DGKH: variants seen among roughly 807,000 people sequenced by gnomAD.
DGKH encodes the protein diacylglycerol kinase eta.
Under a neutral mutation model 159.3 loss-of-function variants are expected in DGKH, and 90 were observed. That is an observed-to-expected ratio of 0.57 (90% CI 0.48 to 0.67). DGKH has a LOEUF of 0.67. Among genes scored for constraint, DGKH ranks in the 30% least tolerant of loss-of-function variants. The pLI, the probability that DGKH is intolerant of heterozygous loss-of-function variation, is 0.00. For missense variants in DGKH, 1,181 were observed against 1,506.1 expected, an observed-to-expected ratio of 0.78 and a Z score of 3.57; for synonymous variants, 536 against 553.8, an observed-to-expected ratio of 0.97 and a Z score of 0.45.
chr13:42,154,403 A>G (rs894954875), intron 3 of DGKH, among the ~76,000 whole-genome samples: 2 of 152,254 alleles, frequency 1.3e-5, no homozygotes, highest in African/African-American at 2.4e-5. Flanking sequence ...TGTATTCACA[A>G]ATAAATAGGG....
intron 1 of DGKH, among the ~76,000 whole-genome samples, chr13:42,065,744 A>G (rs1274622866): frequency 6.6e-6 from 1 of 152,166 alleles, no homozygotes; most frequent in East Asian, 1.9e-4. Context: ...CCGGGGTCCC[A>G]TCGGAGTAAG....
chr13:42,221,070 C>G, intron 28 of DGKH, 194 bp from the exon 29 acceptor site: 1 of 640,494 alleles, frequency 1.6e-6, no homozygotes, highest in Non-Finnish European at 2.5e-6. Flanking sequence ...TTTGTATAGT[C>G]GGATCCTTGT....
chr13:42,230,641 AATAG>A lies in DGKH; in HGVS notation c.*1457_*1460del, dbSNP rs1958265863. 1 of 152,040 alleles carries A rather than the reference AATAG, an allele frequency of 6.6e-6. No homozygotes were observed. The highest frequency in any genetic ancestry group is 2.4e-5 in the African/African-American group (1 of 41,434). The allele number at this position is 152,040 out of a possible 1,614,324, so 9.4% of individuals were successfully genotyped here. On this transcript the variant is annotated 3_prime_UTR_variant, in exon 30 of 30. Coordinates refer to ENST00000337343, the MANE Select transcript of DGKH (RefSeq NM_178009.5). ...TTATGAAGTAGCCTGCTAGGTGCTT[AATAG>A]ATATATATACACACAGATATATACA...
In DGKH at chr13:42,069,122, T is replaced by C. The variant is rs935975593; in HGVS notation, c.192+20157T>C. On this transcript the variant is annotated intron_variant, in intron 1 of 29. Coordinates refer to ENST00000337343, the MANE Select transcript of DGKH (RefSeq NM_178009.5). ...CTCCTCACTGTTGTTCAGAAATCCTTCCTCATTTCTCTCTCCCCAAGCTTC... is the reference window on the plus strand; with the variant it reads ...CTCCTCACTGTTGTTCAGAAATCCTCCCTCATTTCTCTCTCCCCAAGCTTC... The C allele has an allele frequency of 1.9e-5, 26 of 1,388,174 alleles. No homozygotes were observed. The East Asian group carries it at 5.9e-4, about 32-fold the overall frequency. 86.0% of individuals were successfully genotyped at this position (1,388,174 alleles called of 1,614,324 possible).
At chr13:42,089,522 A>G (rs1348068977) in intron 1 of DGKH, among the ~76,000 whole-genome samples, 1 of 152,186 alleles carries the variant, frequency 6.6e-6, no homozygotes. Context: ...TTCTTTCTGG[A>G]GGCTCTGGGA....
At chr13:42,122,685 T>TGTCA (rs1473292681) in intron 1 of DGKH, among the ~76,000 whole-genome samples, 1 of 152,236 alleles carries the variant, frequency 6.6e-6, no homozygotes, top group Non-Finnish European at 1.5e-5. Flanking sequence ...TAATAGACAG[T>TGTCA]GTCAGTCTTT....
intron 16 of DGKH, among the ~76,000 whole-genome samples, chr13:42,192,666 G>C (rs758184530): frequency 4.4e-4 from 60 of 135,856 alleles, no homozygotes; most frequent in Non-Finnish European, 5.8e-4. Flanking sequence ...TCTTCTTCTT[G>C]TTCTTCATGT....
chr13:42,160,074 G>C lies in DGKH; in HGVS notation c.793G>C (p.Asp265His). The C allele has an allele frequency of 6.2e-7, 1 of 1,614,228 alleles. No individual in the cohort carries two copies. The change falls in exon 7 of 30, where the codon GAC becomes CAC. Residue 265 changes from aspartate to histidine, a missense_variant. Asp to His is a moderately conservative substitution (Grantham distance 81, BLOSUM62 -1). Coordinates refer to ENST00000337343, the MANE Select transcript of DGKH (RefSeq NM_178009.5). ...TGTAAGTGCCAAGTGTGCTGTCTGC[G>C]ACAAAACATGTGGCAGTGTTCTCCG... ...LPVSAKCAVC[D>H]KTCGSVLRLQ...
chr13:42,206,168 T>C (rs372355769), intron 21 of DGKH, 22 bp downstream of exon 21: 16 of 1,344,560 alleles, frequency 1.2e-5, no homozygotes, highest in South Asian at 2.1e-5. Flanking sequence ...GAGTAAATAG[T>C]TTGTTTCCTC....
intron 13 of DGKH, among the ~76,000 whole-genome samples, chr13:42,184,376 G>A (rs1458570961): frequency 6.6e-6 from 1 of 152,122 alleles, no homozygotes; most frequent in East Asian, 1.9e-4. Context: ...TGATAAATGA[G>A]GGTACTAATA....
At chr13:42,195,989 GA>G in intron 17 of DGKH, 1 of 152,218 alleles carries the variant, frequency 6.6e-6, no homozygotes, top group East Asian at 1.9e-4. Context: ...AATGAGAAAG[GA>G]ATCTAAATAG....
chr13:42,119,674 TAAAAATTTTATAAC>T (rs1179785126), intron 1 of DGKH, among the ~76,000 whole-genome samples: 6 of 152,242 alleles, frequency 3.9e-5, no homozygotes, highest in Non-Finnish European at 8.8e-5. Context: ...TACATTATGG[TAAAAATTTTATAAC>T]AAAAATTTTA....
At chr13:42,155,488 A>G in intron 4 of DGKH, 93 bp downstream of exon 4, 2 of 1,460,328 alleles carry the variant, frequency 1.4e-6, no homozygotes, top group Admixed American at 3.8e-5. Flanking sequence ...AAGTATGTGT[A>G]CACTCATTCA....
intron 3 of DGKH, among the ~76,000 whole-genome samples, chr13:42,141,175 A>G (rs577933285): frequency 6.6e-6 from 1 of 150,608 alleles, no homozygotes; most frequent in Non-Finnish European, 1.5e-5. Flanking sequence ...TCCCTGAGAT[A>G]GTTTGCTGAG....
At chr13:42,079,153 T>C (rs2137714558) in intron 1 of DGKH, among the ~76,000 whole-genome samples, 1 of 152,120 alleles carries the variant, frequency 6.6e-6, no homozygotes, top group East Asian at 1.9e-4. Flanking sequence ...TGACCTCAGG[T>C]GATCCACCTG....
rs373691553 is a variant in DGKH at position 42,210,691 on chromosome 13, C to T, written c.2940C>T (p.His980=). The T allele has an allele frequency of 9.9e-6, 16 of 1,612,072 alleles. No homozygotes were observed. The highest frequency in any genetic ancestry group is 2.2e-4 in the Middle Eastern group (1 of 4,540). ...PVLRTHLYIH[H]AIDLATEEVS... is the part of the protein sequence containing the mutation. The stretch of plus-strand genomic sequence containing the variant: ...TCCGAACCCATTTGTACATCCATCA[C>T]GCCATTGACTTGGCAACAGAAGAGG... The change falls in exon 24 of 30, where the codon CAC becomes CAT. Residue 980 remains histidine, a synonymous_variant. Transcript: ENST00000337343.
intron 29 of DGKH, chr13:42,225,223 AG>A: frequency 6.6e-7 from 1 of 1,511,890 alleles, no homozygotes; most frequent in Non-Finnish European, 8.9e-7. Context: ...ATGCCCAGCC[AG>A]GAAAGTATTT....
At chr13:42,084,263 T>C (rs1251755163) in intron 1 of DGKH, among the ~76,000 whole-genome samples, 2 of 152,226 alleles carry the variant, frequency 1.3e-5, no homozygotes, top group African/African-American at 4.8e-5. Flanking sequence ...AAATTTTTTT[T>C]TGCCATGTTT....
At chr13:42,207,134 C>T (rs58368390) in intron 21 of DGKH, among the ~76,000 whole-genome samples, 2,261 of 22,660 alleles carry the variant, frequency 0.1, 326 homozygotes, top group East Asian at 0.15. Context: ...TCCTTCCTTC[C>T]TTCCTTCCTT....
Sources: allele counts gnomAD v4.1 joint callset (sites outside exome capture counted in the v4.1 genomes callset), GRCh38; gene constraint gnomAD v4.1.1; transcripts MANE v1.5; gene names NCBI Gene and HGNC (gene_info 2026-07-23, HGNC 2026-07-21).